The following TSBP1 variants were observed in gnomAD, a reference collection of about 807,000 sequenced individuals.
TSBP1 encodes the protein testis-expressed basic protein 1.
A neutral mutation model predicts 68.8 loss-of-function variants in TSBP1; 56 were observed. That is an observed-to-expected ratio of 0.81 (90% CI 0.66 to 1.02). TSBP1 has a LOEUF of 1.02. Ranked by LOEUF, TSBP1 falls within the 50% of genes least tolerant of loss-of-function variation. The pLI is 0.00. For synonymous variants in TSBP1, 171 were observed against 208.7 expected (o/e 0.82, Z 1.56); for missense variants, 502 against 641.2 (o/e 0.78, Z 2.34).
intron 18 of TSBP1, among the ~76,000 whole-genome samples, chr6:32,317,942 A>C (rs6927448): frequency 6.6e-6 from 1 of 152,172 alleles, no homozygotes; most frequent in Non-Finnish European, 1.5e-5. Flanking sequence ...CGACCCAGCA[A>C]TCCCATTTCT....
Position 32,325,428 on chromosome 6 carries a change from G to C in TSBP1, c.515-1814C>G. ...TGCCACTGTGGAGGAGGTGGATGCA[G>C]CCGTGAATGCAAGGCCACACAAGGT... On this transcript the variant is annotated intron_variant, in intron 16 of 22. Transcript: ENST00000612031. The surrounding 1 kb of genome is among the most constrained non-coding windows in gnomAD (Gnocchi z 4.4). The C allele has an allele frequency of 1.1e-6, 1 of 917,340 alleles. No homozygotes were observed. Among genetic ancestry groups the C allele is most frequent in the Non-Finnish European group, 1.8e-6 (1 of 560,672 alleles). The allele number at this position is 917,340 out of a possible 1,614,324, so 56.8% of individuals were successfully genotyped here. A position where few individuals can be genotyped will look rare whatever the true frequency, so the allele number is the denominator to read the frequency against.
chr6:32,322,871 T>C (rs183105547), intron 18 of TSBP1, among the ~76,000 whole-genome samples: 1 of 151,772 alleles, frequency 6.6e-6, no homozygotes, highest in Non-Finnish European at 1.5e-5. Flanking sequence ...TTGGATTTCA[T>C]CTCTCTCTCT....
Position 32,335,476 on chromosome 6 carries a change from AGAAAT to A in TSBP1, c.452-24_452-20del. 3 of 1,434,386 alleles carry A rather than the reference AGAAAT, an allele frequency of 2.1e-6. No individual in the cohort carries two copies. The highest frequency in any genetic ancestry group is 2.8e-6 in the Non-Finnish European group (3 of 1,074,114). The allele number at this position is 1,434,386 out of a possible 1,614,324, so 88.9% of individuals were successfully genotyped here. ...GAGAGCTCTAAAAAAAAAAGAGAAA[AGAAAT>A]CAGTAGCTATATATATATTTTATAT... On this transcript the variant is annotated intron_variant, in intron 13 of 22. Transcript: ENST00000612031. The surrounding 1 kb of genome is among the most constrained non-coding windows in gnomAD (Gnocchi z 5.5).
chr6:32,352,387 C>T, intron 8 of TSBP1, among the ~76,000 whole-genome samples: 1 of 151,626 alleles, frequency 6.6e-6, no homozygotes, highest in Admixed American at 6.6e-5. Context: ...TTAAATAGTA[C>T]ACATGTTACA....
At chr6:32,368,861 G>A in intron 2 of TSBP1, 47 bp from the exon 3 acceptor site, 2 of 1,567,970 alleles carry the variant, frequency 1.3e-6, no homozygotes, top group Non-Finnish European at 1.7e-6. Flanking sequence ...CTTAGGAGAA[G>A]TGTTCTTCCT....
chr6:32,371,032 C>T (rs1774363594), intron 1 of TSBP1, among the ~76,000 whole-genome samples: 1 of 152,162 alleles, frequency 6.6e-6, no homozygotes, highest in Non-Finnish European at 1.5e-5. Context: ...ACACCTCCAA[C>T]CAGGGCAGAT....
At chr6:32,307,789 T>G (rs1390026691) in intron 19 of TSBP1, among the ~76,000 whole-genome samples, 1 of 151,836 alleles carries the variant, frequency 6.6e-6, no homozygotes, top group Non-Finnish European at 1.5e-5. Flanking sequence ...TTTTTTTTTT[T>G]TTTGAGACAG....
chr6:32,336,048 A>G lies in TSBP1; in HGVS notation c.431-116T>C. On this transcript the variant is annotated intron_variant, in intron 12 of 22. Transcript: ENST00000612031. This position sits in a 1 kb window ranked among gnomAD's most constrained non-coding sequence, Gnocchi z 5.2. ...AGTATCATAAATAGAAACAACGGGA[A>G]GATCAAGAGTTGCTTGTATGGCGAG... 1 of 905,514 alleles carries G rather than the reference A, an allele frequency of 1.1e-6. No homozygotes were observed. The highest frequency in any genetic ancestry group is 1.8e-6 in the Non-Finnish European group (1 of 568,558). The allele number at this position is 905,514 out of a possible 1,614,324, so 56.1% of individuals were successfully genotyped here.
rs566660420 is a variant in TSBP1, at chr6:32,303,467, G to C, written c.581-838C>G. On this transcript the variant is annotated intron_variant, in intron 19 of 22. Transcript: ENST00000612031. ...TTCTTTGCATTTAGGTCCACTTTAC[G>C]TGATATTAATGTAGCCACATCTGCC... Among the ~76,000 whole-genome samples the C allele has an allele frequency of 2.4e-4, 36 of 151,358 alleles. No individual in the cohort carries two copies. The South Asian group carries it at 3.4e-3, about 14-fold the overall frequency.
At chr6:32,324,667 G>A in intron 16 of TSBP1, 2 of 1,550,782 alleles carry the variant, frequency 1.3e-6, no homozygotes, top group Non-Finnish European at 1.7e-6. Context: ...GATTGTGTGA[G>A]GATGCGATCT....
intron 22 of TSBP1, among the ~76,000 whole-genome samples, chr6:32,295,541 G>A (rs949945561): frequency 3.3e-5 from 5 of 152,096 alleles, no homozygotes; most frequent in Admixed American, 6.5e-5. Flanking sequence ...GAGACAGACT[G>A]GTTCAAATCC....
intron 6 of TSBP1, among the ~76,000 whole-genome samples, chr6:32,359,067 C>A (rs6457549): frequency 3.3e-5 from 4 of 122,000 alleles, no homozygotes; most frequent in African/African-American, 1.2e-4. Flanking sequence ...ATCCCTCCCC[C>A]CTCCCCCCAC....
chr6:32,302,269 A>G lies in TSBP1; in HGVS notation c.601+340T>C, dbSNP rs988458399. ...GGACTTTGAGACCAGCCTAGGCAAC[A>G]TAGCAAGACTCAGTTTCTACAAAAA... On this transcript the variant is annotated intron_variant, in intron 20 of 22. Transcript: ENST00000612031. The surrounding 1 kb of genome is among the most constrained non-coding windows in gnomAD (Gnocchi z 5.1). Among the ~76,000 whole-genome samples, 6 of 152,128 alleles carry G rather than the reference A, an allele frequency of 3.9e-5. No homozygotes were observed. Among genetic ancestry groups the G allele is most frequent in the African/African-American group, 1.4e-4 (6 of 41,434 alleles).
chr6:32,294,956 C>T (rs11968795), intron 22 of TSBP1, among the ~76,000 whole-genome samples: 5,911 of 151,882 alleles, frequency 0.039, 328 homozygotes, highest in African/African-American at 0.12. Context: ...GGGTTCTTGC[C>T]GTGGAGCAGA....
At chr6:32,324,467 A>G (rs1767988927) in intron 16 of TSBP1, 1 of 768,180 alleles carries the variant, frequency 1.3e-6, no homozygotes, top group East Asian at 2.7e-5. Flanking sequence ...CCTGCAGGGG[A>G]TTGTAAATTG....
chr6:32,366,313 A>T lies in TSBP1; in HGVS notation c.167-11T>A, dbSNP rs745460869. ...ATGCATGTCGGGATCCTAAAAGAGA[A>T]GATAAAAACATAATGAGATTTTACT... On this transcript the variant is annotated splice_polypyrimidine_tract_variant and intron_variant, in intron 4 of 22. Coordinates refer to ENST00000612031, the Ensembl canonical transcript of TSBP1. The T allele has an allele frequency of 6.3e-7, 1 of 1,597,114 alleles. No individual in the cohort carries two copies. The highest frequency in any genetic ancestry group is 8.5e-7 in the Non-Finnish European group (1 of 1,170,766).
rs1489564173 is a variant in TSBP1 at position 32,325,167 on chromosome 6, C to T, written c.515-1553G>A. On this transcript the variant is annotated intron_variant, in intron 16 of 22. Coordinates refer to ENST00000612031, the Ensembl canonical transcript of TSBP1. This position sits in a 1 kb window ranked among gnomAD's most constrained non-coding sequence, Gnocchi z 4.4. ...TAATAATTTATTTATGCCTTTCTGC[C>T]CATGGATGCCATGGAAGAAGCATCA... 3 of 532,788 alleles carry T rather than the reference C, an allele frequency of 5.6e-6. No homozygotes were observed. The highest frequency in any genetic ancestry group is 2.8e-5 in the East Asian group (1 of 35,240). 33.0% of individuals were successfully genotyped at this position (532,788 alleles called of 1,614,324 possible).
exon 23 of TSBP1, chr6:32,293,899 T>A (rs1306587555): frequency 1.9e-6 from 3 of 1,612,954 alleles, no homozygotes; most frequent in East Asian, 2.2e-5. Flanking sequence ...AATTCGTAAA[T>A]ATGATGTCAT....
intron 4 of TSBP1, among the ~76,000 whole-genome samples, chr6:32,366,920 A>G (rs1773809788): frequency 6.6e-6 from 1 of 152,152 alleles, no homozygotes; most frequent in Non-Finnish European, 1.5e-5. Flanking sequence ...GTTGTTCATG[A>G]TAGATGAATC....
Sources: allele counts gnomAD v4.1 joint callset (sites outside exome capture counted in the v4.1 genomes callset), GRCh38; gene constraint gnomAD v4.1.1; non-coding constraint Gnocchi (gnomAD v3.1); transcripts MANE v1.5; gene names NCBI Gene and HGNC (gene_info 2026-07-23, HGNC 2026-07-21).